The following TLN2 variants were observed in gnomAD, a reference collection of about 807,000 sequenced individuals.
The protein encoded by TLN2 is talin-2.
Under a neutral mutation model 294.7 loss-of-function variants are expected in TLN2, and 118 were observed. That is an observed-to-expected ratio of 0.40 (90% CI 0.34 to 0.47). TLN2 has a LOEUF of 0.47. Among genes scored for constraint, TLN2 ranks in the 20% least tolerant of loss-of-function variants. The pLI, the probability that TLN2 is intolerant of heterozygous loss-of-function variation, is 0.84. For missense variants in TLN2, 3,083 were observed against 3,282.2 expected, an observed-to-expected ratio of 0.94 and a Z score of 1.48; for synonymous variants, 1,431 against 1,304.5, an observed-to-expected ratio of 1.10 and a Z score of -2.09.
chr15:62,541,864 C>T (rs745373882), intron 1 of TLN2, among the ~76,000 whole-genome samples: 1 of 151,770 alleles, frequency 6.6e-6, no homozygotes, highest in Admixed American at 6.6e-5. Flanking sequence ...GATGGGCCCT[C>T]GACTATCAGT....
chr15:62,424,405 T>G (rs2034586015), intron 1 of TLN2, among the ~76,000 whole-genome samples: 1 of 152,170 alleles, frequency 6.6e-6, no homozygotes, highest in African/African-American at 2.4e-5. Flanking sequence ...CCTGTCTTCC[T>G]TGAGTGAGAT....
chr15:62,557,820 C>T (rs752012421), intron 1 of TLN2, among the ~76,000 whole-genome samples: 50 of 152,190 alleles, frequency 3.3e-4, no homozygotes, highest in Non-Finnish European at 2.9e-5. Context: ...GGATTACAGG[C>T]GTGAGCCACT....
chr15:62,741,715 TC>T (rs1466839252), intron 32 of TLN2, among the ~76,000 whole-genome samples: 3 of 104,732 alleles, frequency 2.9e-5, no homozygotes, highest in African/African-American at 9.9e-5. Flanking sequence ...GATTCTGCTT[TC>T]CTTTTTTTAA....
chr15:62,541,190 C>G (rs111303495), intron 1 of TLN2, among the ~76,000 whole-genome samples: 1 of 152,096 alleles, frequency 6.6e-6, no homozygotes, highest in East Asian at 1.9e-4. Context: ...CTGAACTATT[C>G]TCTCTACTTT....
intron 1 of TLN2, among the ~76,000 whole-genome samples, chr15:62,406,903 CCTATCTCCAAAT>C (rs1333592987): frequency 1.3e-5 from 2 of 152,126 alleles, no homozygotes; most frequent in African/African-American, 4.8e-5. Flanking sequence ...CTGTAAAGAC[CCTATCTCCAAAT>C]AAGGTCCCAT....
At chr15:62,422,564 G>A (rs2034476109) in intron 1 of TLN2, among the ~76,000 whole-genome samples, 1 of 152,202 alleles carries the variant, frequency 6.6e-6, no homozygotes, top group African/African-American at 2.4e-5. Flanking sequence ...CCAAGACAGA[G>A]TTGAGAGGAG....
At chr15:62,810,061 G>T in intron 52 of TLN2, 29 bp downstream of exon 52, 1 of 1,569,410 alleles carries the variant, frequency 6.4e-7, no homozygotes. Context: ...CAGGGCTGGG[G>T]AGTAGCTGTG....
chr15:62,805,512 A>G, intron 50 of TLN2, 88 bp from the exon 51 acceptor site: 1 of 1,379,280 alleles, frequency 7.3e-7, no homozygotes. Flanking sequence ...CAGTTTTCAG[A>G]CACAAGCTAC....
At chr15:62,781,966 T>A (rs373117524) in intron 44 of TLN2, among the ~76,000 whole-genome samples, 29 of 152,244 alleles carry the variant, frequency 1.9e-4, no homozygotes, top group African/African-American at 7.0e-4. Context: ...AAATGTTGTC[T>A]TCAAAGAATT....
At chr15:62,571,478 T>C (rs967094053) in intron 1 of TLN2, among the ~76,000 whole-genome samples, 5 of 152,270 alleles carry the variant, frequency 3.3e-5, no homozygotes, top group African/African-American at 1.2e-4. Flanking sequence ...AAACCTTACA[T>C]ATTTTTATCA....
intron 1 of TLN2, among the ~76,000 whole-genome samples, chr15:62,482,758 G>A (rs1456008423): frequency 6.6e-6 from 1 of 152,090 alleles, no homozygotes; most frequent in Non-Finnish European, 1.5e-5. Context: ...TCAGATCTGA[G>A]AATTCACAGG....
At chr15:62,442,260 C>T (rs2035582537) in intron 1 of TLN2, among the ~76,000 whole-genome samples, 1 of 151,948 alleles carries the variant, frequency 6.6e-6, no homozygotes, top group South Asian at 2.1e-4. Flanking sequence ...CTTGGGAAGG[C>T]CGAGGTGAGT....
intron 52 of TLN2, among the ~76,000 whole-genome samples, chr15:62,818,651 G>C (rs894485509): frequency 6.6e-6 from 1 of 152,170 alleles, no homozygotes; most frequent in Non-Finnish European, 1.5e-5. Context: ...AGGAGAGCTT[G>C]CAGTCAAAAC....
intron 2 of TLN2, among the ~76,000 whole-genome samples, chr15:62,610,549 A>T (rs888018662): frequency 1.3e-5 from 2 of 152,224 alleles, no homozygotes; most frequent in Non-Finnish European, 2.9e-5. Context: ...GCACCTCGGC[A>T]CTATGTTTAG....
At chr15:62,499,884 T>G (rs2039216313) in intron 1 of TLN2, among the ~76,000 whole-genome samples, 1 of 152,026 alleles carries the variant, frequency 6.6e-6, no homozygotes, top group Admixed American at 6.5e-5. Flanking sequence ...ATTACAGGCA[T>G]AAGCCACCGC....
At chr15:62,491,322 G>T in intron 1 of TLN2, among the ~76,000 whole-genome samples, 1 of 123,020 alleles carries the variant, frequency 8.1e-6, no homozygotes, top group East Asian at 2.3e-4. Context: ...GCAAGACTCT[G>T]TCTCAAAAAA....
Position 62,400,381 on chromosome 15 carries a change from A to G in TLN2, c.-238+9696A>G, listed in dbSNP as rs2032931745. On this transcript the variant is annotated intron_variant, in intron 1 of 58. Transcript: ENST00000636159. ...AGGGACATTTAATGCAATTCTGCCA[A>G]TTTCCCCAAGCTGGGAAAAATTAAT... is the stretch of plus-strand genomic sequence containing the variant. Among the ~76,000 whole-genome samples the G allele has an allele frequency of 2.0e-5, 3 of 152,200 alleles. 1 individual carries two copies. The highest frequency in any genetic ancestry group is 2.0e-4 in the Admixed American group (3 of 15,286).
intron 1 of TLN2, among the ~76,000 whole-genome samples, chr15:62,482,205 T>C (rs892282516): frequency 6.6e-6 from 1 of 152,232 alleles, no homozygotes; most frequent in African/African-American, 2.4e-5. Context: ...TAAAAACATA[T>C]TGCATTGCAC....
intron 1 of TLN2, among the ~76,000 whole-genome samples, chr15:62,420,383 G>A (rs757094629): frequency 1.3e-5 from 2 of 151,986 alleles, no homozygotes; most frequent in Non-Finnish European, 2.9e-5. Context: ...ACCCCTGTGT[G>A]TAGATGTCCT....
Sources: gnomAD v4.1 joint callset for allele counts (sites outside exome capture counted in the v4.1 genomes callset) on GRCh38, gnomAD v4.1.1 for gene constraint, MANE v1.5 for transcripts, NCBI Gene and HGNC (gene_info 2026-07-23, HGNC 2026-07-21) for gene names.